CA12: variants seen among roughly 807,000 people sequenced by gnomAD.
The protein encoded by CA12 is carbonate dehydratase XII.
CA12 carries 36 observed loss-of-function variants against 46.8 expected under a neutral mutation model. The observed-to-expected ratio is 0.77, with a 90% CI of 0.59 to 1.02. The LOEUF (loss-of-function observed/expected upper bound fraction) is 1.02, where lower values mean the gene tolerates loss of function less well. CA12 is among the 50% of genes least tolerant of loss of function. The pLI is 0.00. For synonymous variants in CA12, 202 were observed against 187.0 expected, an observed-to-expected ratio of 1.08 and a Z score of -0.65; for missense variants, 436 against 451.4, an observed-to-expected ratio of 0.97 and a Z score of 0.31.
At chr15:63,376,909 C>T (rs1332660112) in intron 1 of CA12, among the ~76,000 whole-genome samples, 1 of 152,134 alleles carries the variant, frequency 6.6e-6, no homozygotes, top group African/African-American at 2.4e-5. Context: ...TCCCAAAGGG[C>T]TGGGATTACA....
At chr15:63,360,777 C>G (rs71394515) in intron 2 of CA12, among the ~76,000 whole-genome samples, 6,035 of 152,262 alleles carry the variant, frequency 0.04, 152 homozygotes, top group Non-Finnish European at 0.056. Context: ...GTTATTTGTC[C>G]CCTCTGTGTT....
rs1179815336 is a variant in CA12 at position 63,330,946 on chromosome 15, G to C, written c.875-2816C>G. 1.3e-5 allele frequency among the ~76,000 whole-genome samples: 2 copies of C among 152,220 alleles called. No homozygotes were observed. The highest frequency in any genetic ancestry group is 4.8e-5 in the African/African-American group (2 of 41,450). ...CAGAGACTGGGACAGATACTTTTCA[G>C]CCAAGACTTTGATACAGCAAAAACG... On this transcript the variant is annotated intron_variant, in intron 8 of 10. Coordinates refer to ENST00000178638, the MANE Select transcript of CA12 (RefSeq NM_001218.5). This position sits in a 1 kb window ranked among gnomAD's most constrained non-coding sequence, Gnocchi z 4.0.
At position 63,340,087 on chromosome 15, in the gene CA12, CT is replaced by C. The variant is rs1235789093; in HGVS notation, c.747+200del. 1 of 644,604 alleles carries C rather than the reference CT, an allele frequency of 1.6e-6. No individual in the cohort carries two copies. The highest frequency in any genetic ancestry group is 2.8e-5 in the East Asian group (1 of 35,854). 39.9% of individuals were successfully genotyped at this position (644,604 alleles called of 1,614,324 possible). Reference sequence around the variant, plus strand: ...TTTTTAAAAAAGAACTAGGAGACATCTATTCATTTGCCTAGCTTGACTTCTT... The same window carrying C: ...TTTTTAAAAAAGAACTAGGAGACATCATTCATTTGCCTAGCTTGACTTCTT... On this transcript the variant is annotated intron_variant, in intron 7 of 10. Coordinates refer to ENST00000178638, the MANE Select transcript of CA12 (RefSeq NM_001218.5). The surrounding 1 kb of genome is among the most constrained non-coding windows in gnomAD (Gnocchi z 4.4).
Position 63,329,151 on chromosome 15 carries a change from A to T in CA12, c.875-1021T>A, listed in dbSNP as rs2038905091. Among the ~76,000 whole-genome samples, 1 of 152,224 alleles carries T rather than the reference A, an allele frequency of 6.6e-6. No individual in the cohort carries two copies. Among genetic ancestry groups the T allele is most frequent in the Non-Finnish European group, 1.5e-5 (1 of 68,034 alleles). The stretch of plus-strand genomic sequence containing the variant: ...CATCACCAGACTTCTCCCCCAGCCC[A>T]TCAGCTTGTCATCATGGTTTGGTTC... On this transcript the variant is annotated intron_variant, in intron 8 of 10. Transcript: ENST00000178638. This position sits in a 1 kb window ranked among gnomAD's most constrained non-coding sequence, Gnocchi z 4.8.
At position 63,329,290 on chromosome 15, in the gene CA12, T is replaced by A. The variant is rs1291913754; in HGVS notation, c.875-1160A>T. ...CCAGCAAGTTACTGTTGAGGATAAA[T>A]AAGGTGAGAGAGAAGTCCTCAGTGT... On this transcript the variant is annotated intron_variant, in intron 8 of 10. Transcript: ENST00000178638. This position sits in a 1 kb window ranked among gnomAD's most constrained non-coding sequence, Gnocchi z 4.8. Among the ~76,000 whole-genome samples, 1 of 152,146 alleles carries A rather than the reference T, an allele frequency of 6.6e-6. No homozygotes were observed. Among genetic ancestry groups the A allele is most frequent in the Non-Finnish European group, 1.5e-5 (1 of 68,032 alleles).
intron 2 of CA12, among the ~76,000 whole-genome samples, chr15:63,363,527 G>A (rs767274490): frequency 1.3e-5 from 2 of 152,216 alleles, no homozygotes; most frequent in East Asian, 1.9e-4. Context: ...CTTCTTGAGG[G>A]TAAAAATGGC....
intron 2 of CA12, among the ~76,000 whole-genome samples, chr15:63,371,046 G>A (rs1391365860): frequency 6.6e-6 from 1 of 152,216 alleles, no homozygotes; most frequent in African/African-American, 2.4e-5. Context: ...AGGTCACACA[G>A]TGCCTTTATC....
chr15:63,377,977 A>G (rs1393338398), intron 1 of CA12, among the ~76,000 whole-genome samples: 1 of 152,200 alleles, frequency 6.6e-6, no homozygotes, highest in African/African-American at 2.4e-5. Context: ...TTAATTTAGC[A>G]TTAGTGCCAT....
rs2038894954 is a variant in CA12 at position 63,328,346 on chromosome 15, T to C, written c.875-216A>G. ...CCCTCCTTCCGATGCTCCTTTTTTT[T>C]TTTTTTTTGAGATGGAATCTCGCTC... is the stretch of plus-strand genomic sequence containing the variant. On this transcript the variant is annotated intron_variant, in intron 8 of 10. Coordinates refer to ENST00000178638, the MANE Select transcript of CA12 (RefSeq NM_001218.5). This position sits in a 1 kb window ranked among gnomAD's most constrained non-coding sequence, Gnocchi z 5.9. 6.6e-6 allele frequency among the ~76,000 whole-genome samples: 1 copy of C among 151,676 alleles called. No homozygotes were observed. The highest frequency in any genetic ancestry group is 2.4e-5 in the African/African-American group (1 of 41,270).
rs537354124 is a variant in CA12, at chr15:63,355,424, G to C, written c.107-8715C>G. On this transcript the variant is annotated intron_variant, in intron 2 of 10. Coordinates refer to ENST00000178638, the MANE Select transcript of CA12 (RefSeq NM_001218.5). The surrounding 1 kb of genome is among the most constrained non-coding windows in gnomAD (Gnocchi z 4.1). ...AGACAAGCATTATCATCACCGCCTAGGAACTCATTCAAAATGCAGAGTCTC... is the reference window on the plus strand; with the variant it reads ...AGACAAGCATTATCATCACCGCCTACGAACTCATTCAAAATGCAGAGTCTC... Among the ~76,000 whole-genome samples the C allele has an allele frequency of 2.6e-5, 4 of 152,304 alleles. No homozygotes were observed. In the South Asian group the frequency reaches 8.3e-4, roughly 32 times the overall value.
Position 63,340,565 on chromosome 15 carries a change from C to T in CA12, c.590-120G>A, listed in dbSNP as rs542208112. 8.2e-6 allele frequency: 12 copies of T among 1,455,106 alleles called. No homozygotes were observed. Among genetic ancestry groups the T allele is most frequent in the East Asian group, 4.5e-5 (2 of 43,996 alleles). 90.1% of individuals were successfully genotyped at this position (1,455,106 alleles called of 1,614,324 possible). A position where few individuals can be genotyped will look rare whatever the true frequency, so the allele number is the denominator to read the frequency against. On this transcript the variant is annotated intron_variant, in intron 6 of 10. Transcript: ENST00000178638. This position sits in a 1 kb window ranked among gnomAD's most constrained non-coding sequence, Gnocchi z 4.4. ...AGCCCCTTTCAGGGTCATCTAACCCCAGGACCTGGTTGCAACATTGTTCAA... is the reference window on the plus strand; with the variant it reads ...AGCCCCTTTCAGGGTCATCTAACCCTAGGACCTGGTTGCAACATTGTTCAA...
In CA12 at chr15:63,345,901, C is replaced by T. The variant is rs962266747; in HGVS notation, c.287-282G>A. 2.6e-5 allele frequency among the ~76,000 whole-genome samples: 4 copies of T among 152,220 alleles called. No individual in the cohort carries two copies. The highest frequency in any genetic ancestry group is 4.8e-5 in the African/African-American group (2 of 41,450). On this transcript the variant is annotated intron_variant, in intron 3 of 10. Transcript: ENST00000178638. The surrounding 1 kb of genome is among the most constrained non-coding windows in gnomAD (Gnocchi z 4.3). ...GCCAGAAACGCTAACACTAGACCAA[C>T]GGATGGGTGTTTATTTACATATTGA...
At position 63,345,504 on chromosome 15, in the gene CA12, G is replaced by C. The variant is rs200391599; in HGVS notation, c.402C>G (p.Thr134=). Residue 134 remains threonine (T), a synonymous_variant, in exon 4 of 11, where the codon ACC becomes ACG. Transcript: ENST00000178638. This position sits in a 1 kb window ranked among gnomAD's most constrained non-coding sequence, Gnocchi z 4.3. ...NPNDPHGSEH[T]VSGQHFAAEL... ...CGGCGGCGAAGTGCTGTCCGCTGAC[G>C]GTGTGCTCAGAGCCGTGCGGGTCAT... is the stretch of plus-strand genomic sequence containing the variant. 1.2e-6 allele frequency: 2 copies of C among 1,611,064 alleles called. No homozygotes were observed. The highest frequency in any genetic ancestry group is 2.2e-5 in the South Asian group (2 of 91,062).
rs995817159 is a variant in CA12 at position 63,339,022 on chromosome 15, G to T, written c.748-77C>A. 1 of 1,572,890 alleles carries T rather than the reference G, an allele frequency of 6.4e-7. No homozygotes were observed. Among genetic ancestry groups the T allele is most frequent in the Non-Finnish European group, 8.7e-7 (1 of 1,152,220 alleles). On this transcript the variant is annotated intron_variant, in intron 7 of 10. Coordinates refer to ENST00000178638, the MANE Select transcript of CA12 (RefSeq NM_001218.5). This position sits in a 1 kb window ranked among gnomAD's most constrained non-coding sequence, Gnocchi z 4.3. ...TCCCCTGGGAAGAGGCTAGCTCTCC[G>T]CTCTTGCACCTGGGAGAAGCCTCTG...
chr15:63,346,432 C>G, intron 3 of CA12, 98 bp downstream of exon 3: 4 of 517,372 alleles, frequency 7.7e-6, no homozygotes, highest in Non-Finnish European at 1.5e-5. Flanking sequence ...CTCCTGGATG[C>G]TTCCACGGAA....
chr15:63,335,404 C>T (rs2152613037), intron 8 of CA12, among the ~76,000 whole-genome samples: 1 of 152,074 alleles, frequency 6.6e-6, no homozygotes. Flanking sequence ...CCTGGCTAAA[C>T]TTCAGATCCT....
At chr15:63,335,448 A>AT (rs985025795) in intron 8 of CA12, among the ~76,000 whole-genome samples, 20 of 151,008 alleles carry the variant, frequency 1.3e-4, no homozygotes, top group Non-Finnish European at 2.8e-4. Context: ...CTCATAGGGA[A>AT]TTTTTTTTTA....
At position 63,361,558 on chromosome 15, in the gene CA12, C is replaced by A. The variant is rs755010765; in HGVS notation, c.106+14100G>T. 2.0e-5 allele frequency among the ~76,000 whole-genome samples: 3 copies of A among 152,138 alleles called. No homozygotes were observed. In the South Asian group the frequency reaches 6.2e-4, roughly 32 times the overall value. ...ACAGTCCTGCACAACAGAGAGTTAT[C>A]CTGCCCAAAATATCCACAGGGAAGA... On this transcript the variant is annotated intron_variant, in intron 2 of 10. Transcript: ENST00000178638.
chr15:63,377,308 G>C (rs566114867), intron 1 of CA12, among the ~76,000 whole-genome samples: 1 of 152,144 alleles, frequency 6.6e-6, no homozygotes, highest in East Asian at 1.9e-4. Context: ...GACCCACAAG[G>C]GTACAGATGG....
Sources: gnomAD v4.1 joint callset for allele counts (sites outside exome capture counted in the v4.1 genomes callset) on GRCh38, gnomAD v4.1.1 for gene constraint, Gnocchi (gnomAD v3.1) non-coding constraint, MANE v1.5 for transcripts, NCBI Gene and HGNC (gene_info 2026-07-23, HGNC 2026-07-21) for gene names.